LRP1B: variants seen among roughly 807,000 people sequenced by gnomAD.
The protein encoded by LRP1B is LDL receptor related protein 1B.
LRP1B carries 217 observed loss-of-function variants against 556.6 expected under a neutral mutation model. The observed-to-expected ratio is 0.39, with a 90% CI of 0.35 to 0.44. LRP1B has a LOEUF of 0.44. LRP1B is among the 20% of genes least tolerant of loss of function. LRP1B has a pLI of 1.00. For missense variants in LRP1B, 5,053 were observed against 5,620.8 expected, an observed-to-expected ratio of 0.90 and a Z score of 3.23; for synonymous variants, 2,047 against 1,865.8, an observed-to-expected ratio of 1.10 and a Z score of -2.50.
intron 1 of LRP1B, among the ~76,000 whole-genome samples, chr2:142,058,533 A>T (rs912585292): frequency 1.3e-5 from 2 of 151,992 alleles, no homozygotes; most frequent in Non-Finnish European, 2.9e-5. Flanking sequence ...CCTTCTCAAA[A>T]CGTTATGAGG....
chr2:141,983,072 C>T (rs919354773), intron 1 of LRP1B, among the ~76,000 whole-genome samples: 18 of 152,072 alleles, frequency 1.2e-4, no homozygotes, highest in African/African-American at 4.3e-4. Flanking sequence ...TGATTTTCTG[C>T]AGCAAAATAA....
At chr2:141,676,124 T>A (rs1690865783) in intron 2 of LRP1B, among the ~76,000 whole-genome samples, 1 of 152,056 alleles carries the variant, frequency 6.6e-6, no homozygotes, top group Non-Finnish European at 1.5e-5. Context: ...TTTTTAGTTG[T>A]TATATCTTTT....
At chr2:141,925,681 A>T (rs1204783108) in intron 1 of LRP1B, among the ~76,000 whole-genome samples, 1 of 152,144 alleles carries the variant, frequency 6.6e-6, no homozygotes, top group African/African-American at 2.4e-5. Flanking sequence ...CAATATTTCT[A>T]TTACATTAAT....
In LRP1B at chr2:141,264,064, T is replaced by C. The variant is rs115935459; in HGVS notation, c.344-9423A>G. On this transcript the variant is annotated intron_variant, in intron 3 of 90. Coordinates refer to ENST00000389484, the MANE Select transcript of LRP1B (RefSeq NM_018557.3). The stretch of plus-strand genomic sequence containing the variant: ...GGATAACTTCTCTTACCATTTATAT[T>C]CAGTAATATATTGAAGTTTGTAACC... 2.8e-3 allele frequency among the ~76,000 whole-genome samples: 428 copies of C among 152,300 alleles called. 2 individuals carry two copies. The highest frequency in any genetic ancestry group is 9.4e-3 in the African/African-American group (390 of 41,566).
At chr2:140,356,971 T>C (rs746204335) in intron 74 of LRP1B, among the ~76,000 whole-genome samples, 6 of 151,352 alleles carry the variant, frequency 4.0e-5, no homozygotes, top group Non-Finnish European at 8.9e-5. Context: ...TTTTTTATGC[T>C]GGACATACAT....
intron 84 of LRP1B, among the ~76,000 whole-genome samples, chr2:140,283,826 GT>G (rs1481600752): frequency 1.2e-4 from 18 of 151,880 alleles, no homozygotes; most frequent in Non-Finnish European, 2.1e-4. Context: ...TATAAACAGT[GT>G]TTTGGGTTGA....
intron 22 of LRP1B, among the ~76,000 whole-genome samples, chr2:140,907,241 C>A (rs1328718050): frequency 6.6e-6 from 1 of 152,030 alleles, no homozygotes; most frequent in Non-Finnish European, 1.5e-5. Flanking sequence ...AATCTCTGAT[C>A]TCCCGGAAGA....
chr2:140,237,892 TAAA>T (rs1191110271), intron 89 of LRP1B, among the ~76,000 whole-genome samples: 6 of 150,912 alleles, frequency 4.0e-5, no homozygotes, highest in African/African-American at 1.2e-4. Context: ...CATTTTTCAA[TAAA>T]AAACATATAA....
chr2:140,529,024 G>C (rs1026936085), intron 47 of LRP1B, among the ~76,000 whole-genome samples: 2 of 151,950 alleles, frequency 1.3e-5, no homozygotes, highest in African/African-American at 4.8e-5. Context: ...CTGATAAAGA[G>C]AGAAAATGAA....
intron 71 of LRP1B, among the ~76,000 whole-genome samples, chr2:140,366,879 T>C (rs1682785348): frequency 1.3e-5 from 2 of 151,814 alleles, no homozygotes; most frequent in African/African-American, 4.8e-5. Context: ...TGAACACATT[T>C]AAATGCTTCT....
intron 6 of LRP1B, among the ~76,000 whole-genome samples, chr2:141,206,384 A>C (rs1397045234): frequency 1.3e-5 from 2 of 152,004 alleles, no homozygotes; most frequent in East Asian, 3.9e-4. Flanking sequence ...GATCGAGACC[A>C]TCCTGGCTAA....
chr2:140,516,794 C>T (rs2104938142), intron 50 of LRP1B, 95 bp downstream of exon 50: 2 of 1,105,916 alleles, frequency 1.8e-6, no homozygotes, highest in South Asian at 1.5e-5. Flanking sequence ...TTAAAATCAG[C>T]TGACAATGTT....
intron 41 of LRP1B, among the ~76,000 whole-genome samples, chr2:140,662,634 G>C (rs1362347302): frequency 1.3e-5 from 2 of 152,102 alleles, no homozygotes; most frequent in Non-Finnish European, 1.5e-5. Context: ...CATTGGAATG[G>C]ATATAATTCC....
chr2:140,847,120 G>A (rs920403981), intron 29 of LRP1B, among the ~76,000 whole-genome samples: 14 of 152,022 alleles, frequency 9.2e-5, no homozygotes, highest in African/African-American at 3.4e-4. Context: ...GTTTTCCCCA[G>A]CCTAGTCTAG....
chr2:142,130,829 G>T lies in LRP1B; in HGVS notation c.-100C>A. ...CAGGGGCCGCTTGGAGCCTGGAATC[G>T]AGCGGCGTCATTTACAAATGTCACT... On this transcript the variant is annotated 5_prime_UTR_variant, in exon 1 of 91. Coordinates refer to ENST00000389484, the MANE Select transcript of LRP1B (RefSeq NM_018557.3). The T allele has an allele frequency of 1.1e-6, 1 of 892,696 alleles. No homozygotes were observed. The highest frequency in any genetic ancestry group is 1.4e-5 in the South Asian group (1 of 71,280). 55.3% of individuals were successfully genotyped at this position (892,696 alleles called of 1,614,324 possible). A position where few individuals can be genotyped will look rare whatever the true frequency, so the allele number is the denominator to read the frequency against.
At chr2:142,072,699 C>A (rs972782088) in intron 1 of LRP1B, among the ~76,000 whole-genome samples, 24 of 151,968 alleles carry the variant, frequency 1.6e-4, no homozygotes, top group African/African-American at 5.6e-4. Context: ...AGATTGAACA[C>A]CCCTGACTTA....
intron 1 of LRP1B, among the ~76,000 whole-genome samples, chr2:142,000,505 T>C (rs1226881979): frequency 6.6e-6 from 1 of 152,138 alleles, no homozygotes; most frequent in Non-Finnish European, 1.5e-5. Context: ...ACAAATATCA[T>C]GAGGATGATG....
At chr2:141,759,794 TTGTC>T (rs1176724754) in intron 2 of LRP1B, among the ~76,000 whole-genome samples, 1 of 152,160 alleles carries the variant, frequency 6.6e-6, no homozygotes, top group African/African-American at 2.4e-5. Context: ...GGGGGAGACA[TTGTC>T]TGAGAACTTT....
At chr2:141,976,363 C>T (rs933598776) in intron 1 of LRP1B, among the ~76,000 whole-genome samples, 3 of 152,026 alleles carry the variant, frequency 2.0e-5, no homozygotes, top group Non-Finnish European at 4.4e-5. Flanking sequence ...TGCAGTTTTG[C>T]TTTTTTTAAA....
Sources: allele counts gnomAD v4.1 joint callset (sites outside exome capture counted in the v4.1 genomes callset), GRCh38; gene constraint gnomAD v4.1.1; transcripts MANE v1.5; gene names NCBI Gene and HGNC (gene_info 2026-07-23, HGNC 2026-07-21).